UNC13C: variants seen among roughly 807,000 people sequenced by gnomAD.
UNC13C encodes the protein unc-13 homolog C.
In UNC13C, 174 loss-of-function variants were observed where a neutral mutation model predicts 245.4. The observed-to-expected ratio is 0.71, with a 90% CI of 0.63 to 0.80. The LOEUF (loss-of-function observed/expected upper bound fraction) is 0.80, where lower values mean the gene tolerates loss of function less well. UNC13C is among the 30% of genes least tolerant of loss of function. The probability of loss-of-function intolerance (pLI) is 0.00; values close to 1 mark genes in which losing one functional copy is unlikely to be tolerated. For synonymous variants in UNC13C, 992 were observed against 895.1 expected (o/e 1.11, Z -1.93); for missense variants, 2,829 against 2,602.9 (o/e 1.09, Z -1.89).
chr15:54,271,220 G>C (rs2036680204), intron 10 of UNC13C, among the ~76,000 whole-genome samples: 1 of 152,174 alleles, frequency 6.6e-6, no homozygotes, highest in Admixed American at 6.5e-5. Context: ...AGTTACAAGG[G>C]GTTGTAAACA....
chr15:54,279,149 G>A (rs1414599482), intron 10 of UNC13C, among the ~76,000 whole-genome samples: 1 of 152,142 alleles, frequency 6.6e-6, no homozygotes, highest in Non-Finnish European at 1.5e-5. Context: ...GTTGCCAAGT[G>A]TTTTGTGGTA....
At chr15:54,060,309 A>T (rs373651611) in intron 2 of UNC13C, among the ~76,000 whole-genome samples, 2 of 152,230 alleles carry the variant, frequency 1.3e-5, no homozygotes, top group Non-Finnish European at 2.9e-5. Flanking sequence ...TGGGCAAAGG[A>T]TATGAACAGA....
the UNC13C span, among the ~76,000 whole-genome samples, chr15:53,922,005 GA>G: frequency 6.6e-6 from 1 of 152,150 alleles, no homozygotes; most frequent in African/African-American, 2.4e-5. Flanking sequence ...ATAATATATT[GA>G]AATGCAGTAT....
chr15:54,013,198 G>C lies in UNC13C; in HGVS notation c.295G>C (p.Ala99Pro). The change falls in exon 2 of 33, where the codon GCC becomes CCC. Residue 99 changes from alanine (A) to proline (P), a missense_variant. By Grantham distance (27) the Ala-to-Pro change is conservative (BLOSUM62 -1). Coordinates refer to ENST00000260323, the MANE Select transcript of UNC13C (RefSeq NM_001080534.3). The stretch of plus-strand genomic sequence containing the variant: ...AACATTCAGTTACCGAGTAGCTATT[G>C]CCAATGGCCTACAAAAGAATGCTAA... Reference protein sequence around the residue: ...SPTFSYRVAIANGLQKNAKVT... With the variant: ...SPTFSYRVAIPNGLQKNAKVT... 6.2e-7 allele frequency: 1 copy of C among 1,613,758 alleles called. No individual in the cohort carries two copies. The highest frequency in any genetic ancestry group is 1.1e-5 in the South Asian group (1 of 91,076).
intron 19 of UNC13C, among the ~76,000 whole-genome samples, chr15:54,462,034 GT>G (rs1310213300): frequency 2.6e-5 from 4 of 152,172 alleles, no homozygotes; most frequent in Non-Finnish European, 5.9e-5. Context: ...AGTCAGCAGA[GT>G]TGTATGTTTT....
intron 13 of UNC13C, among the ~76,000 whole-genome samples, chr15:54,301,061 TC>T (rs1454031865): frequency 1.3e-5 from 2 of 152,138 alleles, no homozygotes; most frequent in Non-Finnish European, 2.9e-5. Context: ...ATTCATTACT[TC>T]CCCATAGTTT....
At position 54,076,074 on chromosome 15, in the gene UNC13C, T is replaced by TTTG. The variant is rs1261871368; in HGVS notation, c.2983+60190_2983+60191insGTT. ...CCTTCACTTAGATTCTTTTTTTTTT[T>TTTG]TTTTCACTTTGTCTCCCAGTATTCA... is the stretch of plus-strand genomic sequence containing the variant. On this transcript the variant is annotated intron_variant, in intron 2 of 32. Coordinates refer to ENST00000260323, the MANE Select transcript of UNC13C (RefSeq NM_001080534.3). 2.6e-3 allele frequency among the ~76,000 whole-genome samples: 382 copies of TTTG among 149,540 alleles called. 5 individuals carry two copies. The highest frequency in any genetic ancestry group is 0.017 in the South Asian group (82 of 4,716).
At chr15:54,548,186 TG>T (rs1255554467) in intron 27 of UNC13C, among the ~76,000 whole-genome samples, 3 of 151,294 alleles carry the variant, frequency 2.0e-5, no homozygotes, top group African/African-American at 7.3e-5. Flanking sequence ...CTTGTTTTGT[TG>T]TTGTTGTTTT....
At position 54,014,887 on chromosome 15, in the gene UNC13C, C is replaced by A. The variant is rs1239945014; in HGVS notation, c.1984C>A (p.Gln662Lys). Residue 662 changes from glutamine to lysine, a missense_variant, in exon 2 of 33, where the codon CAA (glutamine) becomes AAA (lysine). Transcript: ENST00000260323. Reference protein sequence around the residue: ...EDLSPWKEWNQGADLGLDSST... With the variant: ...EDLSPWKEWNKGADLGLDSST... ...TCTTTCTCCATGGAAGGAATGGAAT[C>A]AAGGAGCTGATTTAGGCTTGGATTC... 1 of 1,613,858 alleles carries A rather than the reference C, an allele frequency of 6.2e-7. No homozygotes were observed. The highest frequency in any genetic ancestry group is 8.5e-7 in the Non-Finnish European group (1 of 1,179,834).
chr15:53,900,913 TC>T, the UNC13C span, among the ~76,000 whole-genome samples: 3 of 152,176 alleles, frequency 2.0e-5, no homozygotes, highest in Non-Finnish European at 1.5e-5. Context: ...TAACGTACAT[TC>T]ATTTTTTTTC....
chr15:54,468,130 A>C (rs75479632), intron 19 of UNC13C, among the ~76,000 whole-genome samples: 4,550 of 151,542 alleles, frequency 0.03, 175 homozygotes, highest in Admixed American at 0.12. Context: ...TACTTTTTAT[A>C]TTATATCTTT....
In UNC13C at chr15:54,048,300, C is replaced by A. The variant is rs577332436; in HGVS notation, c.2983+32414C>A. Among the ~76,000 whole-genome samples the A allele has an allele frequency of 8.5e-5, 13 of 152,282 alleles. No homozygotes were observed. The South Asian group carries it at 2.5e-3, about 29-fold the overall frequency. On this transcript the variant is annotated intron_variant, in intron 2 of 32. Transcript: ENST00000260323. ...AATCTATTTGGAGACCTTCTGCATACTGCAAGTATTGTTTATGTTTCCTCT... is the reference window on the plus strand; with the variant it reads ...AATCTATTTGGAGACCTTCTGCATAATGCAAGTATTGTTTATGTTTCCTCT...
intron 1 of UNC13C, among the ~76,000 whole-genome samples, chr15:53,999,495 A>C (rs546898507): frequency 5.4e-4 from 82 of 151,832 alleles, no homozygotes; most frequent in African/African-American, 1.9e-3. Context: ...GATATTGGTA[A>C]TTTGTATTTC....
intron 4 of UNC13C, among the ~76,000 whole-genome samples, chr15:54,215,821 C>T (rs1031102880): frequency 6.6e-6 from 1 of 151,928 alleles, no homozygotes; most frequent in Non-Finnish European, 1.5e-5. Context: ...CTTTATTTGT[C>T]CTCCAATCCA....
intron 23 of UNC13C, 103 bp downstream of exon 23, chr15:54,507,297 G>A (rs1567336405): frequency 1.3e-6 from 1 of 745,616 alleles, no homozygotes. Context: ...TTTTCACATA[G>A]GATAATAAGA....
chr15:54,590,042 C>G (rs539414039), intron 30 of UNC13C, among the ~76,000 whole-genome samples: 1 of 152,090 alleles, frequency 6.6e-6, no homozygotes, highest in South Asian at 2.1e-4. Flanking sequence ...TTCTTGCAAA[C>G]GGTGTCCTTT....
At chr15:54,561,430 G>T (rs920699248) in intron 29 of UNC13C, among the ~76,000 whole-genome samples, 2 of 151,976 alleles carry the variant, frequency 1.3e-5, no homozygotes, top group African/African-American at 4.8e-5. Context: ...AGCTGCAATG[G>T]TCTTGAAAGA....
At chr15:54,210,870 C>T (rs1274435346) in intron 4 of UNC13C, among the ~76,000 whole-genome samples, 4 of 152,116 alleles carry the variant, frequency 2.6e-5, no homozygotes, top group African/African-American at 9.7e-5. Flanking sequence ...GGATGCAGGA[C>T]ACGCGGTGGA....
At chr15:54,609,761 T>C (rs1387588596) in intron 30 of UNC13C, among the ~76,000 whole-genome samples, 1 of 152,140 alleles carries the variant, frequency 6.6e-6, no homozygotes, top group Non-Finnish European at 1.5e-5. Flanking sequence ...AATAAAGACA[T>C]ATCCAAGACT....
Sources: gnomAD v4.1 joint callset for allele counts (sites outside exome capture counted in the v4.1 genomes callset) on GRCh38, gnomAD v4.1.1 for gene constraint, MANE v1.5 for transcripts, NCBI Gene and HGNC (gene_info 2026-07-23, HGNC 2026-07-21) for gene names.